LAMP3: variants seen among roughly 807,000 people sequenced by gnomAD.
LAMP3 encodes lysosome associated membrane protein 3, also known as lysosome-associated membrane glycoprotein 3.
LAMP3 carries 26 observed loss-of-function variants against 34.8 expected under a neutral mutation model. That is an observed-to-expected ratio of 0.75 (90% confidence interval 0.55 to 1.04). LAMP3 has a LOEUF of 1.04. LAMP3 is among the 50% of genes least tolerant of loss of function. The probability of loss-of-function intolerance (pLI) is 0.00; values close to 1 mark genes in which losing one functional copy is unlikely to be tolerated. For synonymous variants in LAMP3, 180 were observed against 201.9 expected (o/e 0.89, Z 0.92); for missense variants, 495 against 524.0 (o/e 0.94, Z 0.54).
chr3:183,142,775 T>G (rs947123040), intron 3 of LAMP3, among the ~76,000 whole-genome samples: 5 of 152,164 alleles, frequency 3.3e-5, no homozygotes, highest in Admixed American at 2.0e-4. Flanking sequence ...AATGAATTTT[T>G]GGGGCTTAGT....
In LAMP3 at chr3:183,154,124, G is replaced by A. The variant is rs114774430; in HGVS notation, c.317C>T (p.Thr106Ile). ...TGAGTTGTTGGGTGTGGCCTGGGTT[G>A]TGACCAGGGTGTAGGTAATTGGGCT... The part of the protein sequence containing the change: ...TTSPITYTLV[T>I]TQATPNNSHT... Residue 106 changes from threonine (T) to isoleucine (I), a missense_variant, in exon 2 of 6, where the codon ACA (threonine) becomes ATA (isoleucine). By Grantham distance (89) the Thr-to-Ile change is moderately conservative. Coordinates refer to ENST00000265598, the MANE Select transcript of LAMP3 (RefSeq NM_014398.4). The A allele has an allele frequency of 1.1e-5, 17 of 1,614,200 alleles. No homozygotes were observed. The East Asian group carries it at 3.3e-4, about 32-fold the overall frequency.
Position 183,124,103 on chromosome 3 carries a change from GA to G in LAMP3, c.1228del (p.Ser410HisfsTer53). ...CAATTAGATTCTCTGGTATCCAGAT[GA>G]TTGACACCTTAGGCGGATTTTATAG... Reference protein sequence around the residue: ...GVYKIRLRCQSSGYQRI With the variant: ...GVYKIRLRCQXSGYQRI On this transcript the variant is annotated frameshift_variant, in exon 6 of 6. Transcript: ENST00000265598. LOFTEE classifies it high-confidence loss of function. The G allele has an allele frequency of 6.2e-7, 1 of 1,614,106 alleles. No homozygotes were observed. The highest frequency in any genetic ancestry group is 2.2e-5 in the East Asian group (1 of 44,868).
At chr3:183,131,905 T>C in intron 5 of LAMP3, 1 of 984,786 alleles carries the variant, frequency 1.0e-6, no homozygotes, top group Non-Finnish European at 1.2e-6. Context: ...CCCTCAGATA[T>C]CAACCGTCCC....
intron 5 of LAMP3, among the ~76,000 whole-genome samples, chr3:183,128,025 G>C (rs1255800708): frequency 6.6e-6 from 1 of 151,960 alleles, no homozygotes; most frequent in African/African-American, 2.4e-5. Context: ...GCAGGCGCCT[G>C]TAGTCCCAGT....
intron 1 of LAMP3, among the ~76,000 whole-genome samples, chr3:183,158,325 C>A (rs1290452740): frequency 6.6e-6 from 1 of 151,930 alleles, no homozygotes; most frequent in Non-Finnish European, 1.5e-5. Flanking sequence ...GATGTTTGGC[C>A]CTATAGAGGT....
At chr3:183,158,562 G>A (rs1276721748) in intron 1 of LAMP3, among the ~76,000 whole-genome samples, 5 of 149,680 alleles carry the variant, frequency 3.3e-5, no homozygotes, top group Non-Finnish European at 5.9e-5. Context: ...CCATTGCTTG[G>A]ACTCCACTAG....
chr3:183,156,281 A>G (rs1720819946), intron 1 of LAMP3, among the ~76,000 whole-genome samples: 1 of 152,172 alleles, frequency 6.6e-6, no homozygotes, highest in Non-Finnish European at 1.5e-5. Flanking sequence ...GAATAGCTTG[A>G]ACCCGGGAGG....
At chr3:183,152,576 C>T in intron 2 of LAMP3, 73 bp from the exon 3 acceptor site, 1 of 1,402,582 alleles carries the variant, frequency 7.1e-7, no homozygotes, top group Non-Finnish European at 9.7e-7. Flanking sequence ...GATGCACAGG[C>T]TAGTTTGTGA....
chr3:183,162,487 G>T, intron 1 of LAMP3, 120 bp downstream of exon 1: 1 of 988,772 alleles, frequency 1.0e-6, no homozygotes, highest in African/African-American at 1.6e-5. Context: ...GGAAGCCCTT[G>T]GACGCGCCAC....
chr3:183,160,438 C>T (rs1720944137), intron 1 of LAMP3, among the ~76,000 whole-genome samples: 1 of 152,160 alleles, frequency 6.6e-6, no homozygotes, highest in Non-Finnish European at 1.5e-5. Flanking sequence ...CTATGTTGTC[C>T]AGGCTGGTCT....
intron 1 of LAMP3, among the ~76,000 whole-genome samples, chr3:183,156,285 C>T (rs1004161353): frequency 2.0e-5 from 3 of 152,084 alleles, no homozygotes; most frequent in African/African-American, 7.2e-5. Flanking sequence ...AGCTTGAACC[C>T]GGGAGGCTGA....
chr3:183,136,422 C>T (rs1032398746), intron 4 of LAMP3, among the ~76,000 whole-genome samples: 3 of 151,982 alleles, frequency 2.0e-5, no homozygotes, highest in African/African-American at 4.8e-5. Flanking sequence ...GAGGCCGAGG[C>T]GGTCAGATCA....
At chr3:183,141,579 A>G (rs1398472455) in intron 3 of LAMP3, among the ~76,000 whole-genome samples, 1 of 152,254 alleles carries the variant, frequency 6.6e-6, no homozygotes, top group Non-Finnish European at 1.5e-5. Context: ...GGTTTCAAAT[A>G]TAGTCATTAG....
At chr3:183,128,803 A>G (rs1719844115) in intron 5 of LAMP3, among the ~76,000 whole-genome samples, 1 of 152,012 alleles carries the variant, frequency 6.6e-6, no homozygotes, top group African/African-American at 2.4e-5. Context: ...CAGCCTCCCA[A>G]AGAGTTGGGA....
intron 5 of LAMP3, among the ~76,000 whole-genome samples, chr3:183,126,810 A>C (rs1719791814): frequency 6.6e-6 from 1 of 152,220 alleles, no homozygotes; most frequent in African/African-American, 2.4e-5. Context: ...AAATACTTTT[A>C]TTAAGATAGG....
chr3:183,149,612 C>G (rs1026799500), intron 3 of LAMP3, among the ~76,000 whole-genome samples: 6 of 117,790 alleles, frequency 5.1e-5, no homozygotes, highest in African/African-American at 1.9e-4. Context: ...TATATGTATA[C>G]ACACACACAC....
chr3:183,129,974 C>T (rs980092212), intron 5 of LAMP3, among the ~76,000 whole-genome samples: 5 of 152,156 alleles, frequency 3.3e-5, no homozygotes, highest in African/African-American at 7.2e-5. Context: ...GGGAAGACCA[C>T]GTGAAGACAC....
chr3:183,141,023 A>G (rs1414211733), intron 3 of LAMP3, among the ~76,000 whole-genome samples: 4 of 152,220 alleles, frequency 2.6e-5, no homozygotes, highest in Non-Finnish European at 5.9e-5. Flanking sequence ...TTTTATTTTT[A>G]AGACCTTCCA....
At chr3:183,140,355 C>T (rs1015924080) in intron 4 of LAMP3, among the ~76,000 whole-genome samples, 183 bp downstream of exon 4, 12 of 134,036 alleles carry the variant, frequency 9.0e-5, no homozygotes, top group South Asian at 2.4e-4. Context: ...TGCAGGGAGC[C>T]GAGCGAGATC....
Sources: gnomAD v4.1 joint callset for allele counts (sites outside exome capture counted in the v4.1 genomes callset) on GRCh38, gnomAD v4.1.1 for gene constraint, MANE v1.5 for transcripts, NCBI Gene and HGNC (gene_info 2026-07-23, HGNC 2026-07-21) for gene names.